LIMK2: variants seen among roughly 807,000 people sequenced by gnomAD.
LIMK2 encodes the protein LIM domain kinase 2.
In LIMK2, 35 loss-of-function variants were observed where a neutral mutation model predicts 75.7. The ratio of observed to expected loss-of-function variants is 0.46; its 90% CI spans 0.35 to 0.61. LIMK2 has a LOEUF of 0.61. Among genes scored for constraint, LIMK2 ranks in the 20% least tolerant of loss-of-function variants. The pLI is 0.00. For missense variants in LIMK2, 623 were observed against 831.0 expected (o/e 0.75, Z 3.08); for synonymous variants, 301 against 319.2 (o/e 0.94, Z 0.61).
intron 5 of LIMK2, among the ~76,000 whole-genome samples, chr22:31,261,319 G>A (rs2048836146): frequency 6.6e-6 from 1 of 152,042 alleles, no homozygotes; most frequent in South Asian, 2.1e-4. Flanking sequence ...AGGCCGAGGT[G>A]GGCGGATCAC....
intron 2 of LIMK2, among the ~76,000 whole-genome samples, chr22:31,239,465 A>G (rs1463061652): frequency 1.3e-5 from 2 of 152,234 alleles, no homozygotes; most frequent in African/African-American, 2.4e-5. Flanking sequence ...TTTATGCCTC[A>G]GTGCATTTGC....
rs1680509071 is a variant in LIMK2 at position 31,212,331 on chromosome 22, C to T, written c.-78C>T. On this transcript the variant is annotated 5_prime_UTR_variant, in exon 1 of 16. Transcript: ENST00000331728. Reference sequence around the variant, plus strand: ...GCGCCTGAGGCGGCGGCGGCAGGAGCTGAGGGGAGTTGTAGGGAACTGAGG... The same window carrying T: ...GCGCCTGAGGCGGCGGCGGCAGGAGTTGAGGGGAGTTGTAGGGAACTGAGG... The T allele has an allele frequency of 4.6e-6, 6 of 1,296,004 alleles. No homozygotes were observed. The highest frequency in any genetic ancestry group is 2.2e-4 in the Middle Eastern group (1 of 4,650). The allele number at this position is 1,296,004 out of a possible 1,614,324, so 80.3% of individuals were successfully genotyped here. A position where few individuals can be genotyped will look rare whatever the true frequency, so the allele number is the denominator to read the frequency against.
rs557764635 is a variant in LIMK2, at chr22:31,228,675, G to A, written c.116+2856G>A. Among the ~76,000 whole-genome samples the A allele has an allele frequency of 8.5e-5, 13 of 152,298 alleles. No homozygotes were observed. The East Asian group carries it at 2.1e-3, about 25-fold the overall frequency. ...GGGCCGGACGTGGTGGCTTATGCCT[G>A]TAATCCTAGCACTCTGGGAGGCCGA... On this transcript the variant is annotated intron_variant, in intron 2 of 15. Coordinates refer to ENST00000331728, the MANE Select transcript of LIMK2 (RefSeq NM_005569.4).
At chr22:31,271,296 G>A in intron 12 of LIMK2, 95 bp downstream of exon 12, 2 of 1,070,650 alleles carry the variant, frequency 1.9e-6, no homozygotes, top group Non-Finnish European at 2.9e-6. Flanking sequence ...TGGCTAGAGG[G>A]CAGAGGTGTT....
rs1856854110 is a variant in LIMK2, at chr22:31,279,373, G to A, written c.*932G>A. The A allele has an allele frequency of 1.3e-5, 2 of 152,278 alleles. No individual in the cohort carries two copies. The highest frequency in any genetic ancestry group is 1.3e-4 in the Admixed American group (2 of 15,280). The allele number at this position is 152,278 out of a possible 1,614,324, so 9.4% of individuals were successfully genotyped here. A position where few individuals can be genotyped will look rare whatever the true frequency, so the allele number is the denominator to read the frequency against. ...GTCACAGGCCTAGAGTCTGAGGGAGGGGAGTGGGAGTCTCAGCAATCTCTT... is the reference window on the plus strand; with the variant it reads ...GTCACAGGCCTAGAGTCTGAGGGAGAGGAGTGGGAGTCTCAGCAATCTCTT... On this transcript the variant is annotated 3_prime_UTR_variant, in exon 16 of 16. Coordinates refer to ENST00000331728, the MANE Select transcript of LIMK2 (RefSeq NM_005569.4).
In LIMK2 at chr22:31,272,689, CCT is replaced by C. The variant is rs777299412; in HGVS notation, c.1544_1545del (p.Pro515ArgfsTer9). On this transcript the variant is annotated frameshift_variant, in exon 13 of 16. Transcript: ENST00000331728. LOFTEE classifies it high-confidence loss of function. ...TVVGNPYWMA[P>X]EMLNGKSYDE... is the part of the protein sequence containing the mutation. ...GGTGGGAAACCCCTACTGGATGGCC[CCT>C]GAGATGCTGAACGGTGAGTCCTGAA... 1 of 1,606,778 alleles carries C rather than the reference CCT, an allele frequency of 6.2e-7. No individual in the cohort carries two copies. Among genetic ancestry groups the C allele is most frequent in the Non-Finnish European group, 8.5e-7 (1 of 1,176,696 alleles).
In LIMK2 at chr22:31,262,359, C is replaced by T; in HGVS notation, c.657+120C>T. 1 of 881,222 alleles carries T rather than the reference C, an allele frequency of 1.1e-6. No individual in the cohort carries two copies. The highest frequency in any genetic ancestry group is 2.6e-5 in the East Asian group (1 of 39,012). The allele number at this position is 881,222 out of a possible 1,614,324, so 54.6% of individuals were successfully genotyped here. A position where few individuals can be genotyped will look rare whatever the true frequency, so the allele number is the denominator to read the frequency against. ...CCCATCTCTTTGTCTTAGCATTGAG[C>T]CTGTGACCACTGGTGACCTATTTCA... On this transcript the variant is annotated intron_variant, in intron 6 of 15. Transcript: ENST00000331728. This position sits in a 1 kb window ranked among gnomAD's most constrained non-coding sequence, Gnocchi z 5.0.
intron 2 of LIMK2, among the ~76,000 whole-genome samples, chr22:31,227,681 G>A (rs192395896): frequency 2.0e-5 from 3 of 152,258 alleles, no homozygotes; most frequent in African/African-American, 7.2e-5. Context: ...AATAAGTAAC[G>A]TCAAAACCCA....
chr22:31,258,982 C>G lies in LIMK2; in HGVS notation c.253-139C>G, dbSNP rs2048811233. The stretch of plus-strand genomic sequence containing the variant: ...CAATCTGACACTTCCTTTGGAAGCT[C>G]TAGGGCAGAGAGTGAAAGAGTGGAT... On this transcript the variant is annotated intron_variant, in intron 3 of 15. Coordinates refer to ENST00000331728, the MANE Select transcript of LIMK2 (RefSeq NM_005569.4). The G allele has an allele frequency of 4.9e-6, 3 of 613,858 alleles. No individual in the cohort carries two copies. In the East Asian group the frequency reaches 8.5e-5, roughly 17 times the overall value. The allele number at this position is 613,858 out of a possible 1,614,324, so 38.0% of individuals were successfully genotyped here. A position where few individuals can be genotyped will look rare whatever the true frequency, so the allele number is the denominator to read the frequency against.
intron 11 of LIMK2, among the ~76,000 whole-genome samples, chr22:31,268,682 G>A (rs1457283435): frequency 6.6e-6 from 1 of 152,180 alleles, no homozygotes; most frequent in Non-Finnish European, 1.5e-5. Context: ...ATTTCACCTG[G>A]AAACAAATGA....
intron 9 of LIMK2, 58 bp from the exon 10 acceptor site, chr22:31,267,718 G>A (rs2048910215): frequency 4.5e-6 from 7 of 1,544,088 alleles, no homozygotes; most frequent in Middle Eastern, 2.0e-4. Flanking sequence ...GGAGGGAAGA[G>A]GTAAGGAAGA....
At position 31,246,183 on chromosome 22, in the gene LIMK2, G is replaced by GCACACGCACACACACACACACA. The variant is rs2048667703; in HGVS notation, c.117-12103_117-12102insGCACACACACACACACACACAC. On this transcript the variant is annotated intron_variant, in intron 2 of 15. Transcript: ENST00000331728. ...GCGAGACTCCGACACACGCACGCAC[G>GCACACGCACACACACACACACA]CACACACACACACACACACACACAC... is the stretch of plus-strand genomic sequence containing the variant. Among the ~76,000 whole-genome samples, 4 of 135,096 alleles carry GCACACGCACACACACACACACA rather than the reference G, an allele frequency of 3.0e-5. No homozygotes were observed. The South Asian group carries it at 1.0e-3, about 34-fold the overall frequency. The allele number at this position is 135,096 out of a possible 152,430, so 88.6% of individuals were successfully genotyped here.
intron 2 of LIMK2, among the ~76,000 whole-genome samples, chr22:31,246,578 A>G (rs2048672296): frequency 6.6e-6 from 1 of 151,848 alleles, no homozygotes; most frequent in Non-Finnish European, 1.5e-5. Context: ...CTAGAGCCAT[A>G]TGTACCAGGT....
intron 1 of LIMK2, among the ~76,000 whole-genome samples, chr22:31,224,133 A>G (rs1356033156): frequency 6.6e-6 from 1 of 152,204 alleles, no homozygotes; most frequent in Admixed American, 6.5e-5. Context: ...CCTGCTTTCT[A>G]GGGCTGAGTC....
In LIMK2 at chr22:31,275,367, A is replaced by G. The variant is rs548683561; in HGVS notation, c.1772+59A>G. The G allele has an allele frequency of 1.4e-5, 22 of 1,572,330 alleles. 1 individual carries two copies. The South Asian group carries it at 2.4e-4, about 17-fold the overall frequency. On this transcript the variant is annotated intron_variant, in intron 15 of 15. Coordinates refer to ENST00000331728, the MANE Select transcript of LIMK2 (RefSeq NM_005569.4). ...GGTCCTGGGACGTTTGCCTCTGTCT[A>G]AGGCCACCCCTGAGCCCTCTGCAAG...
At chr22:31,219,629 T>A (rs2048417227) in intron 1 of LIMK2, among the ~76,000 whole-genome samples, 1 of 152,186 alleles carries the variant, frequency 6.6e-6, no homozygotes, top group Non-Finnish European at 1.5e-5. Context: ...TGGAGCGCAG[T>A]GGCACGATCT....
intron 11 of LIMK2, 32 bp downstream of exon 11, chr22:31,268,232 C>A: frequency 6.3e-7 from 1 of 1,579,592 alleles, no homozygotes; most frequent in Non-Finnish European, 8.7e-7. Flanking sequence ...GCCAGCAGGG[C>A]GAGAGTAGGG....
rs766275967 is a variant in LIMK2 at position 31,262,660 on chromosome 22, C to T, written c.723C>T (p.Ser241=). 1.2e-6 allele frequency: 2 copies of T among 1,614,194 alleles called. No homozygotes were observed. Among genetic ancestry groups the T allele is most frequent in the South Asian group, 2.2e-5 (2 of 91,084 alleles). ...TGTTGATTGAACATGACCCCGTCTC[C>T]CAACGCCTGGACCAGCTGCGGCTGG... The part of the protein sequence containing the change: ...LQLLIEHDPV[S]QRLDQLRLEA... The change falls in exon 7 of 16, where the codon TCC becomes TCT. Residue 241 remains serine, a synonymous_variant. Transcript: ENST00000331728. This position sits in a 1 kb window ranked among gnomAD's most constrained non-coding sequence, Gnocchi z 5.0.
chr22:31,258,575 A>C, intron 3 of LIMK2, 149 bp downstream of exon 3: 1 of 747,682 alleles, frequency 1.3e-6, no homozygotes, highest in Non-Finnish European at 2.2e-6. Flanking sequence ...GCAGGTATCA[A>C]TTGAGCACCT....
Sources: gnomAD v4.1 joint callset for allele counts (sites outside exome capture counted in the v4.1 genomes callset) on GRCh38, gnomAD v4.1.1 for gene constraint, Gnocchi (gnomAD v3.1) non-coding constraint, MANE v1.5 for transcripts, NCBI Gene and HGNC (gene_info 2026-07-23, HGNC 2026-07-21) for gene names.